ATR: variants seen among roughly 807,000 people sequenced by gnomAD.
ATR encodes serine/threonine-protein kinase ATR.
ATR carries 142 observed loss-of-function variants against 305.3 expected under a neutral mutation model. The ratio of observed to expected loss-of-function variants is 0.47; its 90% CI spans 0.41 to 0.53. ATR has a LOEUF of 0.53. Among genes scored for constraint, ATR ranks in the 20% least tolerant of loss-of-function variants. The probability of loss-of-function intolerance (pLI) is 0.00; values close to 1 mark genes in which losing one functional copy is unlikely to be tolerated. For synonymous variants in ATR, 1,050 were observed against 1,068.1 expected (o/e 0.98, Z 0.33); for missense variants, 2,135 against 3,133.1 (o/e 0.68, Z 7.60).
chr3:142,547,998 A>C (rs2034336913), intron 15 of ATR, 88 bp from the exon 16 acceptor site: 1 of 1,152,764 alleles, frequency 8.7e-7, no homozygotes, highest in East Asian at 2.5e-5. Flanking sequence ...CTATTAGTAC[A>C]TCAGGAGCTC....
intron 15 of ATR, 84 bp from the exon 16 acceptor site, chr3:142,547,994 G>C (rs2034336750): frequency 8.4e-7 from 1 of 1,196,854 alleles, no homozygotes. Context: ...CATGCTATTA[G>C]TACATCAGGA....
At chr3:142,505,070 A>C (rs907053232) in intron 29 of ATR, 69 bp downstream of exon 29, 2 of 1,585,072 alleles carry the variant, frequency 1.3e-6, no homozygotes, top group Non-Finnish European at 8.7e-7. Context: ...AAAACAAAAA[A>C]AACTAAGGTT....
Position 142,562,712 on chromosome 3 carries a change from C to T in ATR, c.690G>A (p.Trp230Ter). Residue 230 changes from tryptophan (W) to a stop codon, truncating the protein, a stop_gained, in exon 4 of 47, where the codon TGG becomes TGA. Coordinates refer to ENST00000350721, the MANE Select transcript of ATR (RefSeq NM_001184.4). LOFTEE classifies it high-confidence loss of function. ...ACTCTAGCAGAACACAACCTATCTG[C>T]CAAAGTAAGAGTTCTTGCCTTCTAA... Reference protein sequence around the residue: ...VFFRRQELLLWQIGCVLLEYG... With the variant: ...VFFRRQELLL 6.2e-7 allele frequency: 1 copy of T among 1,613,942 alleles called. No individual in the cohort carries two copies. Among genetic ancestry groups the T allele is most frequent in the Non-Finnish European group, 8.5e-7 (1 of 1,179,938 alleles).
At position 142,553,872 on chromosome 3, in the gene ATR, T is replaced by TCCAAG; in HGVS notation, c.2484_2485insCTTGG (p.Lys829LeufsTer16). ...GAGTCCAAGGATTCCAATATGTGCT[T>TCCAAG]GATATTTCCACTAAAAGCCACTCTA... On this transcript the variant is annotated frameshift_variant, in exon 11 of 47. Transcript: ENST00000350721. LOFTEE classifies it high-confidence loss of function. 6.2e-7 allele frequency: 1 copy of TCCAAG among 1,613,648 alleles called. No homozygotes were observed. Among genetic ancestry groups the TCCAAG allele is most frequent in the Non-Finnish European group, 8.5e-7 (1 of 1,179,754 alleles).
intron 30 of ATR, chr3:142,500,159 G>A (rs554241447): frequency 4.0e-5 from 7 of 176,708 alleles, no homozygotes; most frequent in East Asian, 3.3e-4. Flanking sequence ...ATACAGGGGG[G>A]CCAGTGGTAT....
chr3:142,477,783 C>G (rs2030009532), intron 36 of ATR, among the ~76,000 whole-genome samples: 1 of 152,084 alleles, frequency 6.6e-6, no homozygotes, highest in Admixed American at 6.5e-5. Flanking sequence ...TGTTATTGGT[C>G]CATTAAGAGA....
chr3:142,569,987 C>T (rs962373724), intron 1 of ATR, among the ~76,000 whole-genome samples: 3 of 152,140 alleles, frequency 2.0e-5, no homozygotes, highest in Non-Finnish European at 2.9e-5. Flanking sequence ...GGGTGTGAAA[C>T]AGTATCCTGT....
At chr3:142,505,031 G>C in intron 29 of ATR, 108 bp downstream of exon 29, 2 of 1,355,008 alleles carry the variant, frequency 1.5e-6, no homozygotes, top group Non-Finnish European at 2.1e-6. Flanking sequence ...CCAACAGAGC[G>C]AGACTCTGTC....
intron 27 of ATR, among the ~76,000 whole-genome samples, chr3:142,509,098 G>C (rs1032022054): frequency 6.6e-6 from 1 of 152,066 alleles, no homozygotes; most frequent in Non-Finnish European, 1.5e-5. Flanking sequence ...TGATTCATAA[G>C]TGTGTAGAAA....
chr3:142,505,130 TTA>T lies in ATR; in HGVS notation c.5196+7_5196+8del. ...TTTCATTACAGTTGCCTTTCAATTA[TTA>T]TCTTACCTGGTCTGGTTCTAGCTGA... On this transcript the variant is annotated splice_region_variant and intron_variant, in intron 29 of 46. Transcript: ENST00000350721. 6.2e-7 allele frequency: 1 copy of T among 1,614,022 alleles called. No individual in the cohort carries two copies. Among genetic ancestry groups the T allele is most frequent in the South Asian group, 1.1e-5 (1 of 91,084 alleles).
chr3:142,457,065 G>A (rs532405000), intron 45 of ATR, among the ~76,000 whole-genome samples: 2 of 152,242 alleles, frequency 1.3e-5, no homozygotes, highest in East Asian at 3.9e-4. Context: ...TCTCTTAACT[G>A]ATGAACAGAA....
chr3:142,539,524 A>T (rs2033976168), intron 18 of ATR, among the ~76,000 whole-genome samples: 1 of 152,206 alleles, frequency 6.6e-6, no homozygotes, highest in Non-Finnish European at 1.5e-5. Context: ...AAATGATATT[A>T]AAAAAACTTC....
chr3:142,518,937 A>C (rs769902679), intron 24 of ATR, among the ~76,000 whole-genome samples: 3 of 152,182 alleles, frequency 2.0e-5, no homozygotes, highest in African/African-American at 2.4e-5. Flanking sequence ...TTAAAAGCAG[A>C]GGGTGAAAAT....
intron 25 of ATR, among the ~76,000 whole-genome samples, chr3:142,514,104 C>CA (rs1354406866): frequency 3.3e-5 from 5 of 150,846 alleles, no homozygotes; most frequent in Non-Finnish European, 3.0e-5. Context: ...CCAGTCTCTA[C>CA]AAAAAAAACA....
chr3:142,503,860 T>A (rs1023243610), intron 29 of ATR, among the ~76,000 whole-genome samples: 10 of 152,256 alleles, frequency 6.6e-5, no homozygotes, highest in Non-Finnish European at 4.4e-5. Flanking sequence ...CAATTTGGAC[T>A]ACTTTTTGGT....
intron 36 of ATR, chr3:142,471,943 T>G (rs1490143541): frequency 2.6e-5 from 4 of 152,192 alleles, no homozygotes; most frequent in Non-Finnish European, 5.9e-5. Context: ...GAGTTCAACA[T>G]TTTTAGATTC....
At chr3:142,461,846 A>G in intron 42 of ATR, 94 bp downstream of exon 42, 1 of 1,375,408 alleles carries the variant, frequency 7.3e-7, no homozygotes, top group Non-Finnish European at 1.0e-6. Context: ...AGCTTATATC[A>G]AAAAACATAT....
intron 5 of ATR, 102 bp from the exon 6 acceptor site, chr3:142,560,556 T>A: frequency 1.7e-6 from 2 of 1,201,770 alleles, no homozygotes; most frequent in Non-Finnish European, 2.3e-6. Flanking sequence ...TATCAACTAT[T>A]CAAAAAAATT....
intron 46 of ATR, chr3:142,451,322 C>T: frequency 7.9e-7 from 1 of 1,270,494 alleles, no homozygotes; most frequent in Non-Finnish European, 1.0e-6. Context: ...TCCTTATGGC[C>T]AGTGTTGCAA....
Sources: allele counts gnomAD v4.1 joint callset (sites outside exome capture counted in the v4.1 genomes callset), GRCh38; gene constraint gnomAD v4.1.1; transcripts MANE v1.5; gene names NCBI Gene and HGNC (gene_info 2026-07-23, HGNC 2026-07-21).